C6orf136: variants seen among roughly 807,000 people sequenced by gnomAD.
The protein encoded by C6orf136 is uncharacterized protein C6orf136.
In C6orf136, 29 loss-of-function variants were observed where a neutral mutation model predicts 44.0. That is an observed-to-expected ratio of 0.66 (90% CI 0.49 to 0.90). The LOEUF (loss-of-function observed/expected upper bound fraction) is 0.90, where lower values mean the gene tolerates loss of function less well. Ranked by LOEUF, C6orf136 falls within the 40% of genes least tolerant of loss-of-function variation. C6orf136 has a pLI of 0.00. For missense variants in C6orf136, 628 were observed against 669.3 expected (o/e 0.94, Z 0.68); for synonymous variants, 293 against 278.6 (o/e 1.05, Z -0.52).
At chr6:30,650,932 A>G in intron 2 of C6orf136, 62 bp from the exon 3 acceptor site, 3 of 1,364,336 alleles carry the variant, frequency 2.2e-6, no homozygotes, top group Middle Eastern at 1.8e-4. Flanking sequence ...AAAAATTAGA[A>G]AACTGAAAAA....
intron 4 of C6orf136, 122 bp downstream of exon 4, chr6:30,651,588 C>T: frequency 3.2e-6 from 3 of 938,936 alleles, no homozygotes; most frequent in South Asian, 3.2e-5. Context: ...CTCACTGCAG[C>T]CTCTGCCTCC....
In C6orf136 at chr6:30,653,105, T is replaced by A; in HGVS notation, c.*190T>A. 8.5e-7 allele frequency: 1 copy of A among 1,183,032 alleles called. No homozygotes were observed. Among genetic ancestry groups the A allele is most frequent in the Non-Finnish European group, 1.2e-6 (1 of 851,392 alleles). The allele number at this position is 1,183,032 out of a possible 1,614,324, so 73.3% of individuals were successfully genotyped here. A position where few individuals can be genotyped will look rare whatever the true frequency, so the allele number is the denominator to read the frequency against. On this transcript the variant is annotated 3_prime_UTR_variant, in exon 6 of 6. Transcript: ENST00000651131. ...ATAAAGTTTAACTGACTATATGAGA[T>A]AGAATTTCACATATCACTTTCTCTA...
chr6:30,647,421 C>A lies in C6orf136; in HGVS notation c.190C>A (p.Leu64Ile), dbSNP rs764140056. Residue 64 changes from leucine (L) to isoleucine (I), a missense_variant, in exon 1 of 6, where the codon CTT becomes ATT. Leu to Ile is a conservative substitution (Grantham distance 5). Coordinates refer to ENST00000651131, the MANE Select transcript of C6orf136 (RefSeq NM_001161376.2). This position sits in a 1 kb window ranked among gnomAD's most constrained non-coding sequence, Gnocchi z 4.8. Reference sequence around the variant, plus strand: ...GCAGGCGCAGAGACACCCGCCGCCCCTTCCCACCTGTGCCCTGCAGCGCGT... The same window carrying A: ...GCAGGCGCAGAGACACCCGCCGCCCATTCCCACCTGTGCCCTGCAGCGCGT... ...SAQAQRHPPP[L>I]PTCALQRVDR... 6.8e-7 allele frequency: 1 copy of A among 1,469,256 alleles called. No individual in the cohort carries two copies. Among genetic ancestry groups the A allele is most frequent in the Non-Finnish European group, 9.0e-7 (1 of 1,108,048 alleles). 91.0% of individuals were successfully genotyped at this position (1,469,256 alleles called of 1,614,324 possible). A position where few individuals can be genotyped will look rare whatever the true frequency, so the allele number is the denominator to read the frequency against.
chr6:30,647,726 A>G lies in C6orf136; in HGVS notation c.495A>G (p.Gly165=). ...RPQQPARLAL[G]ERSWQEGRPV... is the part of the protein sequence containing the mutation. The stretch of plus-strand genomic sequence containing the variant: ...AGCAGCCCGCCCGTCTTGCACTCGG[A>G]GAGCGGTCCTGGCAGGAAGGCCGGC... Residue 165 remains glycine (G), a synonymous_variant, in exon 1 of 6, where the codon GGA becomes GGG. Coordinates refer to ENST00000651131, the MANE Select transcript of C6orf136 (RefSeq NM_001161376.2). The surrounding 1 kb of genome is among the most constrained non-coding windows in gnomAD (Gnocchi z 4.8). 6.5e-7 allele frequency: 1 copy of G among 1,549,960 alleles called. No individual in the cohort carries two copies. Among genetic ancestry groups the G allele is most frequent in the Non-Finnish European group, 8.7e-7 (1 of 1,146,722 alleles).
At chr6:30,649,216 A>G (rs1357739753) in intron 1 of C6orf136, among the ~76,000 whole-genome samples, 1 of 151,876 alleles carries the variant, frequency 6.6e-6, no homozygotes, top group Non-Finnish European at 1.5e-5. Flanking sequence ...TACAAAAACT[A>G]GCTGGGCATG....
In C6orf136 at chr6:30,649,788, C is replaced by G. The variant is rs967469790; in HGVS notation, c.846C>G (p.Ser282Arg). ...GEEGPGPELHSGCLDGLRSLF... is the reference protein window; with the variant it reads ...GEEGPGPELHRGCLDGLRSLF... ...AGGGACCAGGACCTGAGTTGCATAG[C>G]GGCTGCCTGGATGGGCTTAGAAGCC... Residue 282 changes from serine to arginine, a missense_variant, in exon 2 of 6, where the codon AGC becomes AGG. Around this residue, in one of 2 missense-constraint regions of C6orf136, gnomAD observed 497 missense variants for 469.2 expected, o/e 1.06. Coordinates refer to ENST00000651131, the MANE Select transcript of C6orf136 (RefSeq NM_001161376.2). 5 of 1,613,970 alleles carry G rather than the reference C, an allele frequency of 3.1e-6. No individual in the cohort carries two copies. Among genetic ancestry groups the G allele is most frequent in the African/African-American group, 1.3e-5 (1 of 74,902 alleles).
intron 4 of C6orf136, among the ~76,000 whole-genome samples, chr6:30,651,702 A>G (rs1009282636): frequency 4.0e-5 from 6 of 151,862 alleles, no homozygotes; most frequent in Admixed American, 1.3e-4. Context: ...AGAGGGTTTC[A>G]CCATGTTGGC....
Position 30,649,451 on chromosome 6 carries a change from A to G in C6orf136, c.616-107A>G, listed in dbSNP as rs1250677839. The G allele has an allele frequency of 1.3e-5, 13 of 975,276 alleles. No homozygotes were observed. The East Asian group carries it at 3.0e-4, about 23-fold the overall frequency. 60.4% of individuals were successfully genotyped at this position (975,276 alleles called of 1,614,324 possible). A position where few individuals can be genotyped will look rare whatever the true frequency, so the allele number is the denominator to read the frequency against. On this transcript the variant is annotated intron_variant, in intron 1 of 5. Coordinates refer to ENST00000651131, the MANE Select transcript of C6orf136 (RefSeq NM_001161376.2). ...CTTTTTTCCTATAGTAATTCCATCC[A>G]TTCTGTCAGGAGGAATAGGTATTGG...
chr6:30,647,251 G>A lies in C6orf136; in HGVS notation c.20G>A (p.Gly7Asp). Residue 7 changes from glycine (G) to aspartate (D), a missense_variant, in exon 1 of 6, where the codon GGT becomes GAT. Physicochemically the swap from Gly to Asp is moderately conservative, Grantham distance 94. Coordinates refer to ENST00000651131, the MANE Select transcript of C6orf136 (RefSeq NM_001161376.2). The surrounding 1 kb of genome is among the most constrained non-coding windows in gnomAD (Gnocchi z 4.8). ...AAGATCATGTACCAGCCCAGCCGGGGTGCGGCCCGGCGTCTCGGCCCTTGC... is the reference window on the plus strand; with the variant it reads ...AAGATCATGTACCAGCCCAGCCGGGATGCGGCCCGGCGTCTCGGCCCTTGC... Reference protein sequence around the residue: MYQPSRGAARRLGPCLR... With the variant: MYQPSRDAARRLGPCLR... The A allele has an allele frequency of 1.3e-6, 2 of 1,596,306 alleles. No individual in the cohort carries two copies.
At position 30,649,591 on chromosome 6, in the gene C6orf136, C is replaced by G. The variant is rs773271524; in HGVS notation, c.649C>G (p.Pro217Ala). The change falls in exon 2 of 6, where the codon CCC (proline) becomes GCC (alanine). Residue 217 changes from proline (P) to alanine (A), a missense_variant. By Grantham distance (27) the Pro-to-Ala change is conservative. Coordinates refer to ENST00000651131, the MANE Select transcript of C6orf136 (RefSeq NM_001161376.2). ...TTATCCAGGGACTCTACCATTCCCA[C>G]CCCTTTGGCCCCACTCCACGACAAC... ...QLYPGTLPFP[P>A]LWPHSTTTTS... 1 of 1,589,286 alleles carries G rather than the reference C, an allele frequency of 6.3e-7. No individual in the cohort carries two copies. The highest frequency in any genetic ancestry group is 8.5e-7 in the Non-Finnish European group (1 of 1,173,814).
Position 30,647,413 on chromosome 6 carries a change from C to G in C6orf136, c.182C>G (p.Pro61Arg). 1.4e-6 allele frequency: 2 copies of G among 1,468,668 alleles called. No homozygotes were observed. 91.0% of individuals were successfully genotyped at this position (1,468,668 alleles called of 1,614,324 possible). A position where few individuals can be genotyped will look rare whatever the true frequency, so the allele number is the denominator to read the frequency against. Residue 61 changes from proline (P) to arginine (R), a missense_variant, in exon 1 of 6, where the codon CCG (proline) becomes CGG (arginine). Coordinates refer to ENST00000651131, the MANE Select transcript of C6orf136 (RefSeq NM_001161376.2). This position sits in a 1 kb window ranked among gnomAD's most constrained non-coding sequence, Gnocchi z 4.8. ...ALGSAQAQRHPPPLPTCALQR... is the reference protein window; with the variant it reads ...ALGSAQAQRHRPPLPTCALQR... ...GGTTCCGCGCAGGCGCAGAGACACC[C>G]GCCGCCCCTTCCCACCTGTGCCCTG...
In C6orf136 at chr6:30,647,276, C is replaced by T; in HGVS notation, c.45C>T (p.Cys15=). The part of the protein sequence containing the change: ...SRGAARRLGP[C]LRAYQARPQV... The stretch of plus-strand genomic sequence containing the variant: ...GTGCGGCCCGGCGTCTCGGCCCTTG[C>T]CTGCGCGCCTACCAGGCTCGACCCC... The change falls in exon 1 of 6, where the codon TGC becomes TGT. Residue 15 remains cysteine, a synonymous_variant. Coordinates refer to ENST00000651131, the MANE Select transcript of C6orf136 (RefSeq NM_001161376.2). This position sits in a 1 kb window ranked among gnomAD's most constrained non-coding sequence, Gnocchi z 4.8. The T allele has an allele frequency of 1.2e-6, 2 of 1,600,342 alleles. No homozygotes were observed. The highest frequency in any genetic ancestry group is 1.7e-6 in the Non-Finnish European group (2 of 1,175,516).
At chr6:30,652,606 C>A in intron 4 of C6orf136, 42 bp from the exon 5 acceptor site, 2 of 1,561,906 alleles carry the variant, frequency 1.3e-6, no homozygotes, top group African/African-American at 1.4e-5. Context: ...AGCTTTGGGA[C>A]CAGTCACCTT....
Position 30,647,876 on chromosome 6 carries a change from C to T in C6orf136, c.615+30C>T. The T allele has an allele frequency of 1.4e-6, 2 of 1,454,692 alleles. No homozygotes were observed. Among genetic ancestry groups the T allele is most frequent in the Non-Finnish European group, 1.8e-6 (2 of 1,105,156 alleles). The allele number at this position is 1,454,692 out of a possible 1,614,324, so 90.1% of individuals were successfully genotyped here. ...CCGAGCGGTCCGCCCGCCTTCCCTG[C>T]AGTGAGACGATCCCCTGGGGGGTTC... On this transcript the variant is annotated intron_variant, in intron 1 of 5. Coordinates refer to ENST00000651131, the MANE Select transcript of C6orf136 (RefSeq NM_001161376.2). This position sits in a 1 kb window ranked among gnomAD's most constrained non-coding sequence, Gnocchi z 4.8.
At chr6:30,649,288 G>T (rs1483981092) in intron 1 of C6orf136, among the ~76,000 whole-genome samples, 1 of 151,960 alleles carries the variant, frequency 6.6e-6, no homozygotes, top group Non-Finnish European at 1.5e-5. Flanking sequence ...ACTTGAACCC[G>T]GGAGGCGGAG....
rs1766938078 is a variant in C6orf136, at chr6:30,647,413, C to T, written c.182C>T (p.Pro61Leu). ...ALGSAQAQRH[P>L]PPLPTCALQR... ...GGTTCCGCGCAGGCGCAGAGACACCCGCCGCCCCTTCCCACCTGTGCCCTG... is the reference window on the plus strand; with the variant it reads ...GGTTCCGCGCAGGCGCAGAGACACCTGCCGCCCCTTCCCACCTGTGCCCTG... The change falls in exon 1 of 6, where the codon CCG becomes CTG. Residue 61 changes from proline (P) to leucine (L), a missense_variant. Physicochemically the swap from Pro to Leu is moderately conservative, Grantham distance 98 (BLOSUM62 -3). Transcript: ENST00000651131. This position sits in a 1 kb window ranked among gnomAD's most constrained non-coding sequence, Gnocchi z 4.8. 9 of 1,468,550 alleles carry T rather than the reference C, an allele frequency of 6.1e-6. No homozygotes were observed. The highest frequency in any genetic ancestry group is 8.1e-6 in the Non-Finnish European group (9 of 1,108,232). 91.0% of individuals were successfully genotyped at this position (1,468,550 alleles called of 1,614,324 possible).
In C6orf136 at chr6:30,649,828, C is replaced by G. The variant is rs376990626; in HGVS notation, c.886C>G (p.Pro296Ala). Residue 296 changes from proline (P) to alanine (A), a missense_variant, in exon 2 of 6, where the codon CCC (proline) becomes GCC (alanine). This residue lies in a region of C6orf136 where 497 missense variants were observed against 469.2 expected (regional missense o/e 1.06). Coordinates refer to ENST00000651131, the MANE Select transcript of C6orf136 (RefSeq NM_001161376.2). ...GCTTAGAAGCCTTTTTGAGGGACCT[C>G]CCTGCCCCTATCCTGGGGCTTGGAT... ...DGLRSLFEGP[P>A]CPYPGAWIPF... 4 of 1,614,082 alleles carry G rather than the reference C, an allele frequency of 2.5e-6. No homozygotes were observed. The highest frequency in any genetic ancestry group is 3.3e-4 in the Middle Eastern group (2 of 6,062).
At chr6:30,651,704 C>T (rs1767440013) in intron 4 of C6orf136, among the ~76,000 whole-genome samples, 1 of 151,946 alleles carries the variant, frequency 6.6e-6, no homozygotes, top group Non-Finnish European at 1.5e-5. Flanking sequence ...AGGGTTTCAC[C>T]ATGTTGGCCA....
At position 30,652,239 on chromosome 6, in the gene C6orf136, T is replaced by TCACACA. The variant is rs5875269; in HGVS notation, c.1308-370_1308-365dup. ...GCCTGGGTGACAGAGTGAAACCCTGTCACACACACACACACACACACACAC... is the reference window on the plus strand; with the variant it reads ...GCCTGGGTGACAGAGTGAAACCCTGTCACACACACACACACACACACACACACACAC... On this transcript the variant is annotated intron_variant, in intron 4 of 5. Coordinates refer to ENST00000651131, the MANE Select transcript of C6orf136 (RefSeq NM_001161376.2). Among the ~76,000 whole-genome samples the TCACACA allele has an allele frequency of 2.1e-3, 305 of 142,710 alleles. 3 individuals carry two copies. Among genetic ancestry groups the TCACACA allele is most frequent in the Middle Eastern group, 0.01 (3 of 288 alleles). 93.6% of individuals were successfully genotyped at this position (142,710 alleles called of 152,430 possible).
Sources: allele counts gnomAD v4.1 joint callset (sites outside exome capture counted in the v4.1 genomes callset), GRCh38; gene constraint gnomAD v4.1.1; regional missense constraint gnomAD v4.1.1; non-coding constraint Gnocchi (gnomAD v3.1); transcripts MANE v1.5; gene names NCBI Gene and HGNC (gene_info 2026-07-23, HGNC 2026-07-21).